The following ATP10B variants were observed in gnomAD, a reference collection of about 807,000 sequenced individuals.
ATP10B encodes phospholipid-transporting ATPase VB.
A neutral mutation model predicts 141.2 loss-of-function variants in ATP10B; 122 were observed. The ratio of observed to expected loss-of-function variants is 0.86; its 90% CI spans 0.75 to 1.00. ATP10B has a LOEUF of 1.00. Among genes scored for constraint, ATP10B ranks in the 50% least tolerant of loss-of-function variants. The pLI is 0.00. For synonymous variants in ATP10B, 685 were observed against 692.0 expected, an observed-to-expected ratio of 0.99 and a Z score of 0.16; for missense variants, 1,876 against 1,825.3, an observed-to-expected ratio of 1.03 and a Z score of -0.51.
chr5:160,688,821 GA>G lies in ATP10B; in HGVS notation c.-83del. 1 of 985,438 alleles carries G rather than the reference GA, an allele frequency of 1.0e-6. No homozygotes were observed. 61.0% of individuals were successfully genotyped at this position (985,438 alleles called of 1,614,324 possible). On this transcript the variant is annotated 5_prime_UTR_variant, in exon 4 of 26. It removes the in-frame stop codon of an upstream open reading frame in the 5' UTR. Coordinates refer to ENST00000327245, the MANE Select transcript of ATP10B (RefSeq NM_025153.3). Reference sequence around the variant, plus strand: ...ATAGATGGGAGAGGTTCTTTCCTAGGAAATTTGTCCATGAGGTGACTGGGCT... The same window carrying G: ...ATAGATGGGAGAGGTTCTTTCCTAGGAATTTGTCCATGAGGTGACTGGGCT...
chr5:160,589,597 T>A lies in ATP10B; in HGVS notation c.3745A>T (p.Thr1249Ser), dbSNP rs373169210. Reference protein sequence around the residue: ...ILLHQAMEMKTWTIFHGVVLL... With the variant: ...ILLHQAMEMKSWTIFHGVVLL... ...AGGGGCTCTGGGACACTTACCCATG[T>A]CTTCATTTCCATTGCCTGGTGCAAA... Residue 1249 changes from threonine to serine, a missense_variant, in exon 24 of 26, where the codon ACA becomes TCA. Thr to Ser is a moderately conservative substitution (Grantham distance 58). Transcript: ENST00000327245. 4 of 1,613,254 alleles carry A rather than the reference T, an allele frequency of 2.5e-6. No homozygotes were observed. Among genetic ancestry groups the A allele is most frequent in the Non-Finnish European group, 3.4e-6 (4 of 1,179,416 alleles).
At chr5:160,650,472 G>C (rs1561697247) in intron 7 of ATP10B, among the ~76,000 whole-genome samples, 1 of 152,146 alleles carries the variant, frequency 6.6e-6, no homozygotes, top group Non-Finnish European at 1.5e-5. Context: ...TTCTTATCAG[G>C]ACCCTTTTCA....
intron 1 of ATP10B, among the ~76,000 whole-genome samples, chr5:160,813,165 T>C (rs1286173935): frequency 6.6e-6 from 1 of 152,142 alleles, no homozygotes. Flanking sequence ...GCACCGAGCA[T>C]GAGCCGAAGC....
chr5:160,886,150 A>G, the ATP10B span, among the ~76,000 whole-genome samples: 1 of 152,184 alleles, frequency 6.6e-6, no homozygotes, highest in African/African-American at 2.4e-5. Context: ...TGTTTTGTAA[A>G]CCCATGGCTG....
At chr5:160,828,426 C>T (rs1008262640) in intron 1 of ATP10B, among the ~76,000 whole-genome samples, 1 of 152,144 alleles carries the variant, frequency 6.6e-6, no homozygotes, top group African/African-American at 2.4e-5. Context: ...CAAAAGAAGA[C>T]ATTGATGCAG....
At chr5:160,850,788 A>G (rs1753757210) in intron 1 of ATP10B, among the ~76,000 whole-genome samples, 1 of 152,240 alleles carries the variant, frequency 6.6e-6, no homozygotes, top group Non-Finnish European at 1.5e-5. Flanking sequence ...TAAAAAATAC[A>G]TGATGAAAAC....
At chr5:160,878,649 T>C in the ATP10B span, among the ~76,000 whole-genome samples, 2 of 152,152 alleles carry the variant, frequency 1.3e-5, no homozygotes, top group Non-Finnish European at 2.9e-5. Flanking sequence ...GACAAAGGGC[T>C]AATATCCACA....
At chr5:160,645,267 G>A (rs1373438573) in intron 8 of ATP10B, among the ~76,000 whole-genome samples, 1 of 152,220 alleles carries the variant, frequency 6.6e-6, no homozygotes, top group Non-Finnish European at 1.5e-5. Context: ...AGGACTGGCA[G>A]TGTTCACATG....
intron 3 of ATP10B, among the ~76,000 whole-genome samples, chr5:160,689,994 G>A (rs1033606790): frequency 6.6e-6 from 1 of 151,856 alleles, no homozygotes; most frequent in Non-Finnish European, 1.5e-5. Context: ...GCATGATACT[G>A]GTACCAAAAC....
intron 6 of ATP10B, among the ~76,000 whole-genome samples, chr5:160,683,578 G>C (rs1304861605): frequency 6.6e-6 from 1 of 152,160 alleles, no homozygotes; most frequent in Admixed American, 6.5e-5. Context: ...TACATACCTC[G>C]AAGCAAGCCT....
chr5:160,683,621 G>C (rs1202223503), intron 6 of ATP10B, among the ~76,000 whole-genome samples: 1 of 152,226 alleles, frequency 6.6e-6, no homozygotes, highest in African/African-American at 2.4e-5. Flanking sequence ...AGCCAGTGCG[G>C]AATGTCTGCT....
At chr5:160,597,149 A>G (rs575243161) in intron 22 of ATP10B, among the ~76,000 whole-genome samples, 78 of 152,360 alleles carry the variant, frequency 5.1e-4, no homozygotes, top group Non-Finnish European at 9.8e-4. Flanking sequence ...AAACTATACT[A>G]CAAGGCTACA....
chr5:160,694,107 G>T lies in ATP10B; in HGVS notation c.-204-5164C>A, dbSNP rs534601964. Among the ~76,000 whole-genome samples the T allele has an allele frequency of 4.5e-4, 69 of 152,294 alleles. 2 individuals are homozygous for T. In the South Asian group the frequency reaches 9.3e-3, roughly 21 times the overall value. ...GCGGATTCCAAGCATCATTCTGGCC[G>T]AAGCACATAAGGGTGGGCTGGAGGG... is the stretch of plus-strand genomic sequence containing the variant. On this transcript the variant is annotated intron_variant, in intron 3 of 25. Transcript: ENST00000327245.
At chr5:160,619,788 A>G (rs1758220152) in intron 15 of ATP10B, among the ~76,000 whole-genome samples, 1 of 152,024 alleles carries the variant, frequency 6.6e-6, no homozygotes, top group Non-Finnish European at 1.5e-5. Context: ...CATCTGGGGG[A>G]GGCTGGGGAA....
chr5:160,737,123 A>C (rs1481605476), intron 2 of ATP10B, among the ~76,000 whole-genome samples: 1 of 152,236 alleles, frequency 6.6e-6, no homozygotes, highest in Non-Finnish European at 1.5e-5. Flanking sequence ...AATCGATGTG[A>C]TACATCATAC....
At chr5:160,705,968 G>A (rs1017261337) in intron 3 of ATP10B, among the ~76,000 whole-genome samples, 11 of 152,196 alleles carry the variant, frequency 7.2e-5, no homozygotes, top group African/African-American at 2.6e-4. Flanking sequence ...TTATTTATTG[G>A]CCTAATTTCA....
chr5:160,925,659 A>G, the ATP10B span, among the ~76,000 whole-genome samples: 4 of 152,244 alleles, frequency 2.6e-5, no homozygotes, highest in African/African-American at 4.8e-5. Flanking sequence ...ATTCTCCTAA[A>G]AAGTTAAAGA....
chr5:160,674,987 G>A (rs1169197455), intron 6 of ATP10B, among the ~76,000 whole-genome samples: 1 of 152,116 alleles, frequency 6.6e-6, no homozygotes, highest in Admixed American at 6.5e-5. Context: ...CCACTGTCAG[G>A]ACCATATCTG....
At chr5:160,683,064 A>T (rs1264723782) in intron 6 of ATP10B, among the ~76,000 whole-genome samples, 3 of 137,582 alleles carry the variant, frequency 2.2e-5, no homozygotes, top group Admixed American at 1.5e-4. Flanking sequence ...AAAAAAAAAA[A>T]GAAGAAGAAG....
Sources: gnomAD v4.1 joint callset for allele counts (sites outside exome capture counted in the v4.1 genomes callset) on GRCh38, gnomAD v4.1.1 for gene constraint, MANE v1.5 for transcripts, NCBI Gene and HGNC (gene_info 2026-07-23, HGNC 2026-07-21) for gene names.